SHISA9: variants seen among roughly 807,000 people sequenced by gnomAD.
The protein encoded by SHISA9 is protein shisa-9.
In SHISA9, 13 loss-of-function variants were observed where a neutral mutation model predicts 38.0. The ratio of observed to expected loss-of-function variants is 0.34; its 90% CI spans 0.22 to 0.54. The LOEUF (loss-of-function observed/expected upper bound fraction) is 0.54, where lower values mean the gene tolerates loss of function less well. SHISA9 is among the 20% of genes least tolerant of loss of function. SHISA9 has a pLI of 0.91. For synonymous variants in SHISA9, 275 were observed against 242.0 expected (o/e 1.14, Z -1.27); for missense variants, 538 against 575.8 (o/e 0.93, Z 0.67).
the SHISA9 span, among the ~76,000 whole-genome samples, chr16:13,273,823 C>G: frequency 1.3e-5 from 2 of 152,084 alleles, no homozygotes; most frequent in East Asian, 3.9e-4. Context: ...ACCTCAGAAA[C>G]TTAAGAATCT....
At chr16:13,124,050 C>G (rs975795679) in intron 2 of SHISA9, among the ~76,000 whole-genome samples, 1 of 152,184 alleles carries the variant, frequency 6.6e-6, no homozygotes, top group Non-Finnish European at 1.5e-5. Context: ...AAAGTCCTAA[C>G]CGGAAGACAC....
intron 2 of SHISA9, among the ~76,000 whole-genome samples, chr16:12,949,953 G>GC (rs1404122769): frequency 1.3e-5 from 2 of 152,160 alleles, no homozygotes; most frequent in African/African-American, 4.8e-5. Context: ...CTACTGAACA[G>GC]TAGAATTTAC....
intron 2 of SHISA9, among the ~76,000 whole-genome samples, chr16:13,020,422 C>T (rs1352389880): frequency 3.9e-5 from 6 of 152,120 alleles, no homozygotes; most frequent in African/African-American, 9.7e-5. Flanking sequence ...CATGTGTTCT[C>T]GTCATTTAGC....
At chr16:13,140,818 C>G (rs189335834) in intron 2 of SHISA9, among the ~76,000 whole-genome samples, 116 of 152,206 alleles carry the variant, frequency 7.6e-4, no homozygotes, top group African/African-American at 2.5e-3. Flanking sequence ...ATGAAACACC[C>G]AATAACTAGA....
chr16:13,187,150 G>T (rs918691079), intron 2 of SHISA9, among the ~76,000 whole-genome samples: 2 of 152,046 alleles, frequency 1.3e-5, no homozygotes, highest in Admixed American at 1.3e-4. Context: ...GCAGACTCTG[G>T]AAGGCTAATT....
chr16:13,348,204 G>A, the SHISA9 span, among the ~76,000 whole-genome samples: 1,125 of 152,210 alleles, frequency 7.4e-3, 10 homozygotes, highest in African/African-American at 0.023. Context: ...TCAGACTCTG[G>A]AATTTTCTTT....
At chr16:13,274,753 C>A in the SHISA9 span, among the ~76,000 whole-genome samples, 2 of 152,132 alleles carry the variant, frequency 1.3e-5, no homozygotes, top group Non-Finnish European at 2.9e-5. Flanking sequence ...TGCCTCGAAG[C>A]TGGAAAAGCC....
intron 2 of SHISA9, among the ~76,000 whole-genome samples, chr16:13,167,094 CAG>C: frequency 9.1e-6 from 1 of 110,488 alleles, no homozygotes; most frequent in East Asian, 2.8e-4. Context: ...TTTTTTGAGA[CAG>C]AGTTTCGCTC....
the SHISA9 span, among the ~76,000 whole-genome samples, chr16:13,430,015 A>G: frequency 1.3e-5 from 2 of 152,220 alleles, no homozygotes; most frequent in Admixed American, 6.5e-5. Flanking sequence ...CGTGATTAAT[A>G]TCCTTGTAAG....
At chr16:13,312,448 C>T in the SHISA9 span, among the ~76,000 whole-genome samples, 1 of 152,162 alleles carries the variant, frequency 6.6e-6, no homozygotes, top group Non-Finnish European at 1.5e-5. Flanking sequence ...TGACGACTGC[C>T]TTGAACACTT....
chr16:13,396,908 G>A, the SHISA9 span, among the ~76,000 whole-genome samples: 1 of 152,038 alleles, frequency 6.6e-6, no homozygotes, highest in Non-Finnish European at 1.5e-5. Flanking sequence ...AACAGCATGA[G>A]TTTAAACTGC....
At chr16:13,090,659 A>G (rs1178959813) in intron 2 of SHISA9, among the ~76,000 whole-genome samples, 5 of 152,098 alleles carry the variant, frequency 3.3e-5, no homozygotes, top group Non-Finnish European at 5.9e-5. Flanking sequence ...TGCTTGATAG[A>G]TCTTCTTCCA....
the SHISA9 span, among the ~76,000 whole-genome samples, chr16:13,491,382 C>CTTT: frequency 1.4e-5 from 2 of 141,752 alleles, no homozygotes; most frequent in East Asian, 2.0e-4. Flanking sequence ...TTTTCAGAGC[C>CTTT]TTTTTTTTTT....
chr16:13,542,878 A>T, the SHISA9 span, among the ~76,000 whole-genome samples: 2 of 152,166 alleles, frequency 1.3e-5, no homozygotes, highest in East Asian at 1.9e-4. Flanking sequence ...TTCATCCCAC[A>T]GGTTGGCTTT....
intron 2 of SHISA9, among the ~76,000 whole-genome samples, chr16:12,950,830 G>C (rs2071744560): frequency 6.6e-6 from 1 of 151,012 alleles, no homozygotes; most frequent in African/African-American, 2.4e-5. Flanking sequence ...GGATGATCTT[G>C]ATCTCCTGAC....
intron 2 of SHISA9, among the ~76,000 whole-genome samples, chr16:12,932,836 G>A (rs2071479586): frequency 6.6e-6 from 1 of 152,210 alleles, no homozygotes; most frequent in African/African-American, 2.4e-5. Flanking sequence ...TGTTGAAGAT[G>A]ATTTGGAGGC....
chr16:13,337,725 G>A, the SHISA9 span, among the ~76,000 whole-genome samples: 156 of 152,250 alleles, frequency 1.0e-3, 2 homozygotes, highest in African/African-American at 3.6e-3. Flanking sequence ...TTGGAGGAGG[G>A]GCCTGGTGGG....
intron 2 of SHISA9, among the ~76,000 whole-genome samples, chr16:13,024,551 G>T (rs913978666): frequency 1.3e-5 from 2 of 152,218 alleles, no homozygotes; most frequent in African/African-American, 4.8e-5. Context: ...CCAGTGCTGG[G>T]ATTCATGCAA....
chr16:13,060,127 A>G (rs1378627354), intron 2 of SHISA9, among the ~76,000 whole-genome samples: 1 of 152,112 alleles, frequency 6.6e-6, no homozygotes, highest in Non-Finnish European at 1.5e-5. Context: ...TGGCTCCACT[A>G]AATCCCAGAC....
Sources: allele counts gnomAD v4.1 joint callset (sites outside exome capture counted in the v4.1 genomes callset), GRCh38; gene constraint gnomAD v4.1.1; transcripts MANE v1.5; gene names NCBI Gene and HGNC (gene_info 2026-07-23, HGNC 2026-07-21).